CLUL1: variants seen among roughly 807,000 people sequenced by gnomAD.
CLUL1 encodes the protein clusterin-like protein 1.
In CLUL1, 43 loss-of-function variants were observed where a neutral mutation model predicts 49.4. The observed-to-expected ratio is 0.87, with a 90% CI of 0.68 to 1.12. The LOEUF (loss-of-function observed/expected upper bound fraction) is 1.12. CLUL1 is among the 50% of genes most tolerant of loss of function. CLUL1 has a pLI of 0.00. For missense variants in CLUL1, 486 were observed against 544.4 expected (o/e 0.89, Z 1.07); for synonymous variants, 192 against 184.9 (o/e 1.04, Z -0.31).
rs778217606 is a variant in CLUL1, at chr18:606,770, A to G, written c.-135-208A>G. Among the ~76,000 whole-genome samples the G allele has an allele frequency of 3.2e-4, 49 of 152,278 alleles. No individual in the cohort carries two copies. Among genetic ancestry groups the G allele is most frequent in the Non-Finnish European group, 6.8e-4 (46 of 68,008 alleles). On this transcript the variant is annotated intron_variant, in intron 1 of 9. Transcript: ENST00000692774. The surrounding 1 kb of genome is among the most constrained non-coding windows in gnomAD (Gnocchi z 4.1). ...AACGTAAAACAACAAACATATACAC[A>G]CAAACAAAAATAAACGTGAGATATG...
chr18:616,053 G>A (rs2073279422), intron 2 of CLUL1, among the ~76,000 whole-genome samples: 1 of 152,206 alleles, frequency 6.6e-6, no homozygotes, highest in African/African-American at 2.4e-5. Flanking sequence ...ACAGGGCGCA[G>A]GTGATCTTGA....
chr18:647,320 G>A (rs1306480633), intron 9 of CLUL1, among the ~76,000 whole-genome samples: 1 of 152,204 alleles, frequency 6.6e-6, no homozygotes, highest in Non-Finnish European at 1.5e-5. Context: ...GGGCCTTTGA[G>A]TTTCCCTGTG....
intron 1 of CLUL1, among the ~76,000 whole-genome samples, chr18:603,156 G>T (rs2072878276): frequency 6.6e-6 from 1 of 152,152 alleles, no homozygotes; most frequent in South Asian, 2.1e-4. Context: ...TATGAGCCAG[G>T]ACCAGCTACA....
At chr18:612,660 C>G (rs2073170883) in intron 2 of CLUL1, 1 of 152,258 alleles carries the variant, frequency 6.6e-6, no homozygotes, top group Non-Finnish European at 1.5e-5. Flanking sequence ...TAGCTCCTCC[C>G]CTTCTAAGTT....
At chr18:614,715 A>C (rs925781773) in intron 2 of CLUL1, 1 of 152,250 alleles carries the variant, frequency 6.6e-6, no homozygotes, top group South Asian at 2.1e-4. Context: ...GCAGGACAGC[A>C]AATCCTAGCT....
chr18:605,315 C>T (rs1216813145), intron 1 of CLUL1, among the ~76,000 whole-genome samples: 1 of 152,156 alleles, frequency 6.6e-6, no homozygotes, highest in Non-Finnish European at 1.5e-5. Context: ...ACATTCTGTA[C>T]AGTCACGGAA....
At chr18:638,230 A>G (rs1229539675) in intron 7 of CLUL1, among the ~76,000 whole-genome samples, 7 of 152,212 alleles carry the variant, frequency 4.6e-5, no homozygotes, top group Admixed American at 4.6e-4. Context: ...TAACAGAAAA[A>G]TAGACACTTA....
chr18:598,377 CAA>C, intron 1 of CLUL1: 1 of 392,326 alleles, frequency 2.5e-6, no homozygotes. Context: ...GGCTGTTTCC[CAA>C]GTCTTCCTCT....
intron 7 of CLUL1, among the ~76,000 whole-genome samples, chr18:633,799 GGAATGAATCAGGGCGGAGCGTGTAATC>G (rs2074057989): frequency 3.3e-5 from 1 of 30,518 alleles, no homozygotes; most frequent in South Asian, 8.9e-4. Context: ...GCATGTAATC[GGAATGAATCAGGGCGGAGCGTGTAATC>G]GGAATGAATC....
At chr18:645,804 AAAAAAAATATATATATATATATATAT>A (rs1275266706) in intron 9 of CLUL1, among the ~76,000 whole-genome samples, 4 of 48,670 alleles carry the variant, frequency 8.2e-5, no homozygotes, top group African/African-American at 3.5e-4. Flanking sequence ...AAAAAAAAAA[AAAAAAAATATATATATATATATATAT>A]ATATATATAT....
chr18:645,810 A>AAAAAATAT (rs1451607900), intron 9 of CLUL1, among the ~76,000 whole-genome samples: 41 of 29,848 alleles, frequency 1.4e-3, no homozygotes, highest in Non-Finnish European at 1.7e-3. Flanking sequence ...AAAAAAAAAA[A>AAAAAATAT]ATATATATAT....
chr18:631,169 T>C (rs905397397), intron 6 of CLUL1, among the ~76,000 whole-genome samples: 2 of 152,190 alleles, frequency 1.3e-5, no homozygotes, highest in Non-Finnish European at 2.9e-5. Flanking sequence ...CAGAAATATC[T>C]TGATAATTAA....
intron 2 of CLUL1, among the ~76,000 whole-genome samples, chr18:614,109 CTCT>C (rs1339931741): frequency 1.3e-5 from 2 of 152,166 alleles, no homozygotes; most frequent in Non-Finnish European, 2.9e-5. Context: ...GCAATTTGAC[CTCT>C]TAAGTCAGTG....
intron 6 of CLUL1, among the ~76,000 whole-genome samples, chr18:631,127 A>G (rs2073983261): frequency 6.6e-6 from 1 of 152,168 alleles, no homozygotes; most frequent in Non-Finnish European, 1.5e-5. Flanking sequence ...AATTATGAAC[A>G]CCAGGAAAAG....
chr18:623,644 CAAAAAAAA>C (rs59558949), intron 4 of CLUL1, among the ~76,000 whole-genome samples: 1 of 71,102 alleles, frequency 1.4e-5, no homozygotes, highest in Non-Finnish European at 2.7e-5. Flanking sequence ...GACTCTGTCT[CAAAAAAAA>C]AAAAAAAAAA....
chr18:631,941 A>G (rs1254379701), intron 6 of CLUL1, among the ~76,000 whole-genome samples: 1 of 152,210 alleles, frequency 6.6e-6, no homozygotes, highest in East Asian at 1.9e-4. Context: ...CAGCTGGGAG[A>G]AACTGACTTT....
chr18:619,311 G>A lies in CLUL1; in HGVS notation c.205G>A (p.Glu69Lys). The A allele has an allele frequency of 6.2e-7, 1 of 1,613,894 alleles. No homozygotes were observed. The highest frequency in any genetic ancestry group is 1.3e-5 in the African/African-American group (1 of 75,000). The change falls in exon 4 of 10, where the codon GAA becomes AAA. Residue 69 changes from glutamate to lysine, a missense_variant. By Grantham distance (56) the Glu-to-Lys change is moderately conservative. Coordinates refer to ENST00000692774, the MANE Select transcript of CLUL1 (RefSeq NM_001393344.1). ...MKIMMERKEKEHTNLMSTLKK... is the reference protein window; with the variant it reads ...MKIMMERKEKKHTNLMSTLKK... Reference sequence around the variant, plus strand: ...AATCATGATGGAAAGAAAAGAGAAGGAACACACCAATCTAATGAGCACCCT... The same window carrying A: ...AATCATGATGGAAAGAAAAGAGAAGAAACACACCAATCTAATGAGCACCCT...
chr18:626,741 AT>A (rs2073717382), intron 5 of CLUL1, among the ~76,000 whole-genome samples: 1 of 149,786 alleles, frequency 6.7e-6, no homozygotes, highest in South Asian at 2.2e-4. Context: ...TGCAACTGTA[AT>A]CCCAGCTACT....
At chr18:612,017 C>T (rs1411157949) in intron 2 of CLUL1, among the ~76,000 whole-genome samples, 1 of 152,196 alleles carries the variant, frequency 6.6e-6, no homozygotes, top group African/African-American at 2.4e-5. Context: ...CCTCACCTCA[C>T]AGTCCAGTCC....
Sources: allele counts gnomAD v4.1 joint callset (sites outside exome capture counted in the v4.1 genomes callset), GRCh38; gene constraint gnomAD v4.1.1; non-coding constraint Gnocchi (gnomAD v3.1); transcripts MANE v1.5; gene names NCBI Gene and HGNC (gene_info 2026-07-23, HGNC 2026-07-21).